Variants in TNR observed in about 807,000 individuals in gnomAD.
TNR encodes tenascin R, also known as tenascin-R.
In TNR, 45 loss-of-function variants were observed where a neutral mutation model predicts 150.4. That is an observed-to-expected ratio of 0.30 (90% confidence interval 0.24 to 0.38). TNR has a LOEUF of 0.38. Ranked by LOEUF, TNR falls within the 10% of genes least tolerant of loss-of-function variation. The pLI is 1.00. For synonymous variants in TNR, 687 were observed against 678.4 expected, an observed-to-expected ratio of 1.01 and a Z score of -0.20; for missense variants, 1,544 against 1,759.1, an observed-to-expected ratio of 0.88 and a Z score of 2.19.
rs532642026 is a variant in TNR, at chr1:175,316,235, A to G, written c.*7122T>C. ...GCAGAGAAAGCTGATATTGTAGCCA[A>G]CTGTCTTCTGATGCCTTCCCACCCA... On this transcript the variant is annotated 3_prime_UTR_variant, in exon 23 of 23. Transcript: ENST00000367674. The G allele has an allele frequency of 1.3e-5, 2 of 152,358 alleles. No individual in the cohort carries two copies. The highest frequency in any genetic ancestry group is 3.9e-4 in the East Asian group (2 of 5,180). 9.4% of individuals were successfully genotyped at this position (152,358 alleles called of 1,614,324 possible).
intron 8 of TNR, among the ~76,000 whole-genome samples, chr1:175,381,742 C>T (rs1320671786): frequency 6.6e-6 from 1 of 152,224 alleles, no homozygotes; most frequent in Admixed American, 6.5e-5. Context: ...GCCACTAAAA[C>T]ATAAATTAGA....
chr1:175,386,027 C>G lies in TNR; in HGVS notation c.1777+5G>C. The G allele has an allele frequency of 6.4e-7, 1 of 1,566,578 alleles. No individual in the cohort carries two copies. Among genetic ancestry groups the G allele is most frequent in the South Asian group, 1.2e-5 (1 of 86,446 alleles). ...TTGTGCGTCTCTCCCCCACCGCAGC[C>G]TTACCTGTTGTGAACTGAGTGGTGG... On this transcript the variant is annotated splice_donor_5th_base_variant and intron_variant, in intron 8 of 22. Coordinates refer to ENST00000367674, the MANE Select transcript of TNR (RefSeq NM_003285.3).
intron 1 of TNR, among the ~76,000 whole-genome samples, chr1:175,652,321 C>T (rs1212448399): frequency 6.6e-6 from 1 of 151,856 alleles, no homozygotes; most frequent in African/African-American, 2.4e-5. Context: ...GTTTCAACTA[C>T]ATCAGAATTA....
At chr1:175,486,825 G>A (rs112928353) in intron 2 of TNR, among the ~76,000 whole-genome samples, 1 of 152,240 alleles carries the variant, frequency 6.6e-6, no homozygotes, top group Non-Finnish European at 1.5e-5. Flanking sequence ...TCTAACTGGT[G>A]TGAGATGGTA....
chr1:175,540,067 A>G (rs1018478264), intron 1 of TNR, among the ~76,000 whole-genome samples: 1 of 152,078 alleles, frequency 6.6e-6, no homozygotes, highest in Non-Finnish European at 1.5e-5. Flanking sequence ...TGACTAACAA[A>G]TCAGTCTCAG....
At chr1:175,466,500 C>G (rs1657041190) in intron 2 of TNR, among the ~76,000 whole-genome samples, 1 of 152,196 alleles carries the variant, frequency 6.6e-6, no homozygotes, top group Non-Finnish European at 1.5e-5. Context: ...GGGCTTGGAA[C>G]AAGCACCCCT....
At chr1:175,379,248 G>C (rs2102025193) in intron 9 of TNR, among the ~76,000 whole-genome samples, 1 of 151,448 alleles carries the variant, frequency 6.6e-6, no homozygotes, top group Non-Finnish European at 1.5e-5. Flanking sequence ...AATGTGAGGG[G>C]GTTATTGCAA....
intron 2 of TNR, among the ~76,000 whole-genome samples, chr1:175,514,672 A>C (rs1332165427): frequency 2.6e-5 from 4 of 152,236 alleles, no homozygotes; most frequent in Admixed American, 2.0e-4. Context: ...TACTAGACTG[A>C]GTGAATAGGA....
chr1:175,355,685 C>A, intron 16 of TNR, 52 bp from the exon 17 acceptor site: 1 of 1,607,378 alleles, frequency 6.2e-7, no homozygotes, highest in Non-Finnish European at 8.5e-7. Flanking sequence ...GCTCCTCCCC[C>A]TGCTTGATTT....
At chr1:175,349,270 C>T (rs1650943997) in intron 18 of TNR, among the ~76,000 whole-genome samples, 1 of 152,156 alleles carries the variant, frequency 6.6e-6, no homozygotes, top group Admixed American at 6.5e-5. Flanking sequence ...CTTAGTGATC[C>T]ATAAGTGGAC....
chr1:175,320,804 C>CTTCT lies in TNR; in HGVS notation c.*2552_*2553insAGAA, dbSNP rs1648999991. The CTTCT allele has an allele frequency of 6.8e-6, 1 of 147,620 alleles. No homozygotes were observed. Among genetic ancestry groups the CTTCT allele is most frequent in the African/African-American group, 2.5e-5 (1 of 39,726 alleles). The allele number at this position is 147,620 out of a possible 1,614,324, so 9.1% of individuals were successfully genotyped here. The stretch of plus-strand genomic sequence containing the variant: ...CCTTCCTTCTTTCCTTCCTTCCTTC[C>CTTCT]TTCCTTCTTTCCTTCTTTCCTCATT... On this transcript the variant is annotated 3_prime_UTR_variant, in exon 23 of 23. Coordinates refer to ENST00000367674, the MANE Select transcript of TNR (RefSeq NM_003285.3).
intron 2 of TNR, among the ~76,000 whole-genome samples, chr1:175,439,655 C>T (rs1356488797): frequency 6.6e-6 from 1 of 152,144 alleles, no homozygotes. Flanking sequence ...CCAGAATCTA[C>T]AAGGAACTTA....
chr1:175,349,298 T>C (rs777865872), intron 18 of TNR, among the ~76,000 whole-genome samples: 20 of 152,212 alleles, frequency 1.3e-4, no homozygotes, highest in Non-Finnish European at 2.2e-4. Flanking sequence ...AAGTATTTAC[T>C]GCAGCACCAT....
chr1:175,447,587 A>G (rs141357255), intron 2 of TNR, among the ~76,000 whole-genome samples: 141 of 152,348 alleles, frequency 9.3e-4, no homozygotes, highest in African/African-American at 3.2e-3. Context: ...TTTGTGAATC[A>G]GAAGCAGGGG....
chr1:175,586,549 G>A (rs1408333056), intron 1 of TNR, among the ~76,000 whole-genome samples: 1 of 152,050 alleles, frequency 6.6e-6, no homozygotes, highest in Non-Finnish European at 1.5e-5. Flanking sequence ...CAGGTTATCT[G>A]CCCACCTCAG....
intron 2 of TNR, among the ~76,000 whole-genome samples, chr1:175,486,963 T>C (rs1036330819): frequency 1.3e-5 from 2 of 152,260 alleles, no homozygotes; most frequent in Non-Finnish European, 2.9e-5. Context: ...CACTTCTTGA[T>C]GGGGTTGTTT....
chr1:175,324,267 GA>G, intron 22 of TNR, 88 bp downstream of exon 22: 9 of 1,331,464 alleles, frequency 6.8e-6, no homozygotes, highest in Non-Finnish European at 8.2e-6. Flanking sequence ...GGAAATGAAG[GA>G]CTCACATGTG....
intron 1 of TNR, among the ~76,000 whole-genome samples, chr1:175,594,267 A>G (rs1351214579): frequency 2.0e-5 from 3 of 151,838 alleles, no homozygotes; most frequent in Admixed American, 6.6e-5. Context: ...CTGAATCTGT[A>G]TATCAGTCAA....
chr1:175,377,367 A>T (rs757266341), intron 9 of TNR, among the ~76,000 whole-genome samples: 1 of 151,078 alleles, frequency 6.6e-6, no homozygotes, highest in Admixed American at 6.6e-5. Context: ...TTAGCCATCG[A>T]TTTTATATAA....
Sources: allele counts gnomAD v4.1 joint callset (sites outside exome capture counted in the v4.1 genomes callset), GRCh38; gene constraint gnomAD v4.1.1; transcripts MANE v1.5; gene names NCBI Gene and HGNC (gene_info 2026-07-23, HGNC 2026-07-21).